Variants in THNSL1 observed in about 807,000 individuals in gnomAD.
THNSL1 encodes the protein threonine synthase like 1.
A neutral mutation model predicts 50.4 loss-of-function variants in THNSL1; 48 were observed. The ratio of observed to expected loss-of-function variants is 0.95; its 90% confidence interval spans 0.76 to 1.21. The LOEUF is 1.21. Ranked by LOEUF, THNSL1 falls within the 50% of genes most tolerant of loss-of-function variation. The probability of loss-of-function intolerance (pLI) is 0.00; values close to 1 mark genes in which losing one functional copy is unlikely to be tolerated. For synonymous variants in THNSL1, 309 were observed against 306.1 expected, an observed-to-expected ratio of 1.01 and a Z score of -0.10; for missense variants, 896 against 871.7, an observed-to-expected ratio of 1.03 and a Z score of -0.35.
the THNSL1 span, chr10:24,952,627 G>A: frequency 6.6e-7 from 1 of 1,505,896 alleles, no homozygotes; most frequent in African/African-American, 1.4e-5. The surrounding 1 kb of genome is among the most constrained non-coding windows in gnomAD (Gnocchi z 5.1). Context: ...GGAGCAGGGA[G>A]GGCGAAGGCT....
chr10:24,994,824 C>G, the THNSL1 span, among the ~76,000 whole-genome samples: 6 of 151,782 alleles, frequency 4.0e-5, no homozygotes, highest in African/African-American at 1.5e-4. Flanking sequence ...GAGTCAAGAC[C>G]AGCCTGGCCA....
At chr10:25,008,820 G>A in the THNSL1 span, among the ~76,000 whole-genome samples, 1 of 152,216 alleles carries the variant, frequency 6.6e-6, no homozygotes, top group Non-Finnish European at 1.5e-5. Context: ...TGTTTATTGT[G>A]GCACTATTCA....
the THNSL1 span, chr10:24,995,895 AAT>A: frequency 3.2e-6 from 5 of 1,562,430 alleles, no homozygotes; most frequent in Non-Finnish European, 4.4e-6. Context: ...TTTCTTTGTT[AAT>A]ATTAAACTAC....
the THNSL1 span, among the ~76,000 whole-genome samples, chr10:24,973,106 T>C: frequency 6.6e-6 from 1 of 152,222 alleles, no homozygotes; most frequent in Admixed American, 6.5e-5. Flanking sequence ...AACCTCTGCA[T>C]ACAATTTCTT....
rs377073311 is a variant in THNSL1, at chr10:25,018,659, G to T, written c.-216+1967G>T. ...TGATGTACATAAACAAATGAGAGTT[G>T]TTTTTTTTTTTTTTTTTTTTGCGAA... On this transcript the variant is annotated intron_variant, in intron 1 of 2. Coordinates refer to ENST00000376356, the MANE Select transcript of THNSL1 (RefSeq NM_024838.5). Among the ~76,000 whole-genome samples the T allele has an allele frequency of 4.2e-3, 394 of 93,436 alleles. 5 individuals are homozygous for T. Among genetic ancestry groups the T allele is most frequent in the Middle Eastern group, 0.028 (4 of 144 alleles). The allele number at this position is 93,436 out of a possible 152,430, so 61.3% of individuals were successfully genotyped here.
the THNSL1 span, among the ~76,000 whole-genome samples, chr10:24,976,616 A>T: frequency 6.6e-6 from 1 of 152,144 alleles, no homozygotes; most frequent in East Asian, 1.9e-4. Context: ...CAGCCTCCCA[A>T]GTAGCTGGGA....
chr10:25,020,583 A>G (rs558971624), intron 1 of THNSL1, among the ~76,000 whole-genome samples: 89 of 152,142 alleles, frequency 5.8e-4, no homozygotes, highest in African/African-American at 2.1e-3. Flanking sequence ...TCTGGGCAAC[A>G]TGGTGAAACC....
At chr10:25,019,311 T>C (rs902355348) in intron 1 of THNSL1, among the ~76,000 whole-genome samples, 1 of 152,062 alleles carries the variant, frequency 6.6e-6, no homozygotes, top group Non-Finnish European at 1.5e-5. Flanking sequence ...CCCTCTCTAC[T>C]AAAAATACTA....
chr10:24,988,313 T>C, the THNSL1 span, among the ~76,000 whole-genome samples: 2 of 144,696 alleles, frequency 1.4e-5, no homozygotes, highest in African/African-American at 5.0e-5. Context: ...TATTTATATG[T>C]GTGTATATAT....
At chr10:25,019,305 C>A (rs1225089596) in intron 1 of THNSL1, among the ~76,000 whole-genome samples, 1 of 152,198 alleles carries the variant, frequency 6.6e-6, no homozygotes, top group Non-Finnish European at 1.5e-5. Flanking sequence ...GAAACCCCCT[C>A]TCTACTAAAA....
At chr10:24,966,624 T>C in the THNSL1 span, among the ~76,000 whole-genome samples, 1 of 152,214 alleles carries the variant, frequency 6.6e-6, no homozygotes, top group Non-Finnish European at 1.5e-5. Context: ...ACAAGAAGGA[T>C]GCTGGAGATT....
At chr10:25,020,883 G>A (rs1156559157) in intron 1 of THNSL1, among the ~76,000 whole-genome samples, 1 of 152,176 alleles carries the variant, frequency 6.6e-6, no homozygotes, top group Non-Finnish European at 1.5e-5. Context: ...TTCCTGAATA[G>A]GAGGTTAATC....
the THNSL1 span, among the ~76,000 whole-genome samples, chr10:24,971,451 C>T: frequency 6.6e-6 from 1 of 152,122 alleles, no homozygotes; most frequent in South Asian, 2.1e-4. Context: ...AGGGCATCAT[C>T]CCAGCTCCTC....
the THNSL1 span, among the ~76,000 whole-genome samples, chr10:24,987,998 A>AT: frequency 1.3e-5 from 2 of 151,932 alleles, no homozygotes; most frequent in Non-Finnish European, 2.9e-5. Context: ...AGGCGGGTGG[A>AT]TCACCTGAGG....
the THNSL1 span, among the ~76,000 whole-genome samples, chr10:24,973,839 C>T: frequency 9.2e-5 from 14 of 152,020 alleles, no homozygotes; most frequent in Admixed American, 3.3e-4. Context: ...CTGCAACCTC[C>T]GCTCCCTGGG....
At chr10:24,955,661 G>A in the THNSL1 span, among the ~76,000 whole-genome samples, 1 of 152,172 alleles carries the variant, frequency 6.6e-6, no homozygotes, top group Non-Finnish European at 1.5e-5. Flanking sequence ...TAAGGTTGAT[G>A]GGGCTAGGCA....
At chr10:24,997,474 C>T in the THNSL1 span, among the ~76,000 whole-genome samples, 2 of 151,048 alleles carry the variant, frequency 1.3e-5, no homozygotes, top group African/African-American at 2.4e-5. Context: ...GCAGCCTCAA[C>T]TTCCTGGGCT....
At chr10:24,979,020 G>T in the THNSL1 span, among the ~76,000 whole-genome samples, 1 of 152,100 alleles carries the variant, frequency 6.6e-6, no homozygotes, top group Non-Finnish European at 1.5e-5. Context: ...AAATTATTTT[G>T]CTCTTTTCTT....
chr10:25,020,310 G>A (rs1214443483), intron 1 of THNSL1, among the ~76,000 whole-genome samples: 1 of 143,714 alleles, frequency 7.0e-6, no homozygotes, highest in African/African-American at 2.6e-5. Context: ...AAAAAGGGAA[G>A]TGAAGTAAAA....
Sources: allele counts gnomAD v4.1 joint callset (sites outside exome capture counted in the v4.1 genomes callset), GRCh38; gene constraint gnomAD v4.1.1; non-coding constraint Gnocchi (gnomAD v3.1); transcripts MANE v1.5; gene names NCBI Gene and HGNC (gene_info 2026-07-23, HGNC 2026-07-21).